CPXM2: variants seen among roughly 807,000 people sequenced by gnomAD.
CPXM2 encodes inactive carboxypeptidase-like protein X2.
A neutral mutation model predicts 86.1 loss-of-function variants in CPXM2; 66 were observed. That is an observed-to-expected ratio of 0.77 (90% CI 0.63 to 0.94). The LOEUF is 0.94. CPXM2 is among the 40% of genes least tolerant of loss of function. CPXM2 has a pLI of 0.00. For synonymous variants in CPXM2, 388 were observed against 400.2 expected (o/e 0.97, Z 0.36); for missense variants, 948 against 1,026.3 (o/e 0.92, Z 1.04).
intron 4 of CPXM2, among the ~76,000 whole-genome samples, chr10:123,834,836 G>C (rs1367738014): frequency 5.3e-5 from 8 of 152,148 alleles, no homozygotes; most frequent in Admixed American, 3.9e-4. Flanking sequence ...GTGACTTCTT[G>C]CTCTATTAGT....
chr10:123,846,143 T>G lies in CPXM2; in HGVS notation c.514-3655A>C, dbSNP rs192798759. Among the ~76,000 whole-genome samples the G allele has an allele frequency of 5.5e-4, 84 of 152,274 alleles. No individual in the cohort carries two copies. In the East Asian group the frequency reaches 0.011, roughly 21 times the overall value. ...ACCATCTGGGGGTGGGGGATGGTTT[T>G]GGGATAATTTAAGCATATTATATGT... On this transcript the variant is annotated intron_variant, in intron 3 of 13. Coordinates refer to ENST00000241305, the MANE Select transcript of CPXM2 (RefSeq NM_198148.3).
chr10:123,849,027 T>G (rs577896339), intron 3 of CPXM2, among the ~76,000 whole-genome samples: 1 of 152,318 alleles, frequency 6.6e-6, no homozygotes, highest in African/African-American at 2.4e-5. Flanking sequence ...TAAATTTGCT[T>G]TATGGTACAA....
At chr10:123,904,416 TG>T (rs1277587404) in intron 2 of CPXM2, among the ~76,000 whole-genome samples, 1 of 152,232 alleles carries the variant, frequency 6.6e-6, no homozygotes, top group Admixed American at 6.5e-5. Flanking sequence ...CTCTGTGCCT[TG>T]GGGTCTTCAT....
chr10:123,896,100 G>C (rs1378951438), upstream of CPXM2, among the ~76,000 whole-genome samples: 1 of 152,228 alleles, frequency 6.6e-6, no homozygotes, highest in Non-Finnish European at 1.5e-5. Flanking sequence ...ACAATAGAGT[G>C]TGCAGGTCTA....
chr10:123,796,121 C>A (rs1366311918), intron 6 of CPXM2, among the ~76,000 whole-genome samples: 2 of 152,236 alleles, frequency 1.3e-5, no homozygotes, highest in Non-Finnish European at 2.9e-5. Context: ...CGGGACCAGT[C>A]CTGAGGCAGT....
At chr10:123,890,678 T>G (rs1210939514) in intron 1 of CPXM2, among the ~76,000 whole-genome samples, 1 of 152,060 alleles carries the variant, frequency 6.6e-6, no homozygotes, top group Non-Finnish European at 1.5e-5. Context: ...CCTAAGAAAA[T>G]GAGGTTGGCA....
At chr10:123,870,131 A>C (rs1442553696) in intron 2 of CPXM2, among the ~76,000 whole-genome samples, 1 of 152,194 alleles carries the variant, frequency 6.6e-6, no homozygotes, top group East Asian at 1.9e-4. Context: ...TGACCCCAAC[A>C]GATGGGCATC....
At chr10:123,798,211 G>A in intron 5 of CPXM2, 85 bp from the exon 6 acceptor site, 73 of 1,072,144 alleles carry the variant, frequency 6.8e-5, no homozygotes, top group South Asian at 3.2e-4. Flanking sequence ...CATTCAACAA[G>A]ACTTTATTGA....
intron 2 of CPXM2, among the ~76,000 whole-genome samples, chr10:123,878,290 TTC>T (rs1564809529): frequency 1.5e-5 from 2 of 136,002 alleles, no homozygotes; most frequent in South Asian, 2.3e-4. Flanking sequence ...CCCCCTTTTT[TTC>T]TCTCTTTTTT....
At chr10:123,816,169 A>G (rs1017310060) in intron 4 of CPXM2, among the ~76,000 whole-genome samples, 1 of 152,138 alleles carries the variant, frequency 6.6e-6, no homozygotes, top group Non-Finnish European at 1.5e-5. Flanking sequence ...GGTCCAGAAG[A>G]TATACCCTTT....
At chr10:123,795,448 G>A (rs1413992125) in intron 6 of CPXM2, among the ~76,000 whole-genome samples, 1 of 152,142 alleles carries the variant, frequency 6.6e-6, no homozygotes, top group African/African-American at 2.4e-5. Context: ...AGAAGCAAAG[G>A]TAAATGAATG....
intron 2 of CPXM2, among the ~76,000 whole-genome samples, chr10:123,938,747 G>A (rs954776463): frequency 2.0e-5 from 3 of 152,188 alleles, no homozygotes; most frequent in Non-Finnish European, 2.9e-5. Context: ...ACCCGTATAC[G>A]CTCTGGTCTA....
chr10:123,866,452 C>G (rs1288738447), intron 2 of CPXM2, among the ~76,000 whole-genome samples: 22 of 152,068 alleles, frequency 1.4e-4, no homozygotes, highest in Admixed American at 1.2e-3. Context: ...GTAATCCCAG[C>G]TACTCGGGAC....
chr10:123,774,767 C>T (rs1352222446), intron 7 of CPXM2, among the ~76,000 whole-genome samples: 2 of 152,152 alleles, frequency 1.3e-5, no homozygotes, highest in African/African-American at 2.4e-5. Context: ...CCCAAGAATG[C>T]TACAACAGAA....
At chr10:123,843,167 G>T in intron 3 of CPXM2, 1 of 360,378 alleles carries the variant, frequency 2.8e-6, no homozygotes, top group Non-Finnish European at 5.3e-6. Flanking sequence ...GCCCAGGCTG[G>T]CCTCAGACTC....
At chr10:123,810,505 T>A (rs2134091129) in intron 4 of CPXM2, among the ~76,000 whole-genome samples, 1 of 152,162 alleles carries the variant, frequency 6.6e-6, no homozygotes, top group East Asian at 1.9e-4. Context: ...GGTAAAAACA[T>A]TTCTAAAATA....
At chr10:123,900,076 C>T (rs540812509) in intron 2 of CPXM2, among the ~76,000 whole-genome samples, 1 of 152,314 alleles carries the variant, frequency 6.6e-6, no homozygotes, top group South Asian at 2.1e-4. Flanking sequence ...GAGTCTCGCC[C>T]TGTCACCCAG....
chr10:123,779,770 G>A (rs747904113), intron 7 of CPXM2, among the ~76,000 whole-genome samples: 27 of 152,288 alleles, frequency 1.8e-4, no homozygotes, highest in Non-Finnish European at 2.2e-4. Flanking sequence ...GACTGAACGT[G>A]ATCATGTATG....
intron 2 of CPXM2, among the ~76,000 whole-genome samples, chr10:123,878,296 CTTTTTTTTTT>C (rs72163200): frequency 4.6e-4 from 56 of 122,834 alleles, no homozygotes; most frequent in East Asian, 2.1e-3. Flanking sequence ...TTTTTTCTCT[CTTTTTTTTTT>C]TTTTTTTTTT....
Sources: allele counts gnomAD v4.1 joint callset (sites outside exome capture counted in the v4.1 genomes callset), GRCh38; gene constraint gnomAD v4.1.1; transcripts MANE v1.5; gene names NCBI Gene and HGNC (gene_info 2026-07-23, HGNC 2026-07-21).